GPATCH2: variants seen among roughly 807,000 people sequenced by gnomAD.
GPATCH2 encodes G-patch domain containing 2.
GPATCH2 carries 51 observed loss-of-function variants against 58.0 expected under a neutral mutation model. That is an observed-to-expected ratio of 0.88 (90% CI 0.70 to 1.11). GPATCH2 has a LOEUF of 1.11. Among genes scored for constraint, GPATCH2 ranks in the 50% most tolerant of loss-of-function variants. GPATCH2 has a pLI of 0.00. For missense variants in GPATCH2, 625 were observed against 652.2 expected, an observed-to-expected ratio of 0.96 and a Z score of 0.45; for synonymous variants, 222 against 218.5, an observed-to-expected ratio of 1.02 and a Z score of -0.14.
chr1:217,469,723 TGTTA>T (rs1660634383), intron 8 of GPATCH2, among the ~76,000 whole-genome samples: 1 of 152,244 alleles, frequency 6.6e-6, no homozygotes, highest in Admixed American at 6.5e-5. Flanking sequence ...GAATAATTCT[TGTTA>T]TATTATGAGC....
chr1:217,445,307 T>A (rs1659337295), intron 9 of GPATCH2, among the ~76,000 whole-genome samples: 1 of 152,098 alleles, frequency 6.6e-6, no homozygotes, highest in Non-Finnish European at 1.5e-5. Flanking sequence ...TGGACAAAAT[T>A]TTTTAAAAAT....
intron 5 of GPATCH2, among the ~76,000 whole-genome samples, chr1:217,572,014 A>G (rs986645439): frequency 1.4e-5 from 2 of 142,514 alleles, no homozygotes; most frequent in African/African-American, 5.1e-5. Flanking sequence ...GGAAGGAAGG[A>G]AGGAAGGAAG....
At chr1:217,448,431 C>T (rs1005000426) in intron 9 of GPATCH2, among the ~76,000 whole-genome samples, 4 of 152,174 alleles carry the variant, frequency 2.6e-5, no homozygotes, top group Non-Finnish European at 4.4e-5. Context: ...TTATGGCTAA[C>T]GGCTGTTTAT....
At chr1:217,438,339 A>G (rs1658949545) in intron 9 of GPATCH2, among the ~76,000 whole-genome samples, 1 of 152,188 alleles carries the variant, frequency 6.6e-6, no homozygotes, top group Non-Finnish European at 1.5e-5. Context: ...CTAAAGGATC[A>G]CAACTCCTTG....
intron 5 of GPATCH2, among the ~76,000 whole-genome samples, chr1:217,534,272 C>T (rs981139462): frequency 6.6e-6 from 1 of 151,856 alleles, no homozygotes; most frequent in African/African-American, 2.4e-5. Flanking sequence ...TAATTAATTG[C>T]TCTCTCCTAT....
intron 5 of GPATCH2, among the ~76,000 whole-genome samples, chr1:217,605,660 A>G (rs1194014451): frequency 6.6e-6 from 1 of 152,208 alleles, no homozygotes; most frequent in African/African-American, 2.4e-5. Flanking sequence ...CCAATGTAAC[A>G]CCTGTTGTAA....
At chr1:217,495,945 AT>A (rs1661984985) in intron 7 of GPATCH2, among the ~76,000 whole-genome samples, 1 of 152,182 alleles carries the variant, frequency 6.6e-6, no homozygotes, top group Non-Finnish European at 1.5e-5. Context: ...GAGAGATGGG[AT>A]TTTAAAAGTA....
chr1:217,465,238 A>G (rs1463334942), intron 8 of GPATCH2, among the ~76,000 whole-genome samples: 1 of 152,164 alleles, frequency 6.6e-6, no homozygotes, highest in East Asian at 1.9e-4. Flanking sequence ...AATTAAAAGG[A>G]AAGTGATAAA....
chr1:217,540,165 C>A (rs975761504), intron 5 of GPATCH2, among the ~76,000 whole-genome samples: 1 of 151,990 alleles, frequency 6.6e-6, no homozygotes, highest in African/African-American at 2.4e-5. Context: ...TAATTCATTA[C>A]GGCACAATCA....
At chr1:217,586,307 T>C (rs991438459) in intron 5 of GPATCH2, among the ~76,000 whole-genome samples, 16 of 152,258 alleles carry the variant, frequency 1.1e-4, no homozygotes, top group Admixed American at 6.5e-5. Flanking sequence ...TGCACAGCTG[T>C]ACAAAACTAT....
chr1:217,455,546 C>T (rs148616571), intron 8 of GPATCH2, among the ~76,000 whole-genome samples: 5 of 152,118 alleles, frequency 3.3e-5, no homozygotes, highest in Admixed American at 2.6e-4. Flanking sequence ...TCAGAGGGTT[C>T]GAGTCCAAAC....
chr1:217,564,427 T>G (rs1666104154), intron 5 of GPATCH2, among the ~76,000 whole-genome samples: 2 of 152,206 alleles, frequency 1.3e-5, no homozygotes. Flanking sequence ...TTGCAATTCA[T>G]GGTGTGTTTT....
intron 5 of GPATCH2, among the ~76,000 whole-genome samples, chr1:217,552,161 C>T (rs548217681): frequency 6.6e-6 from 1 of 152,110 alleles, no homozygotes; most frequent in South Asian, 2.1e-4. Context: ...ACCTTGTAAA[C>T]TTCTCCTATG....
Position 217,557,982 on chromosome 1 carries a change from G to T in GPATCH2, c.1099-43093C>A, listed in dbSNP as rs574843032. Among the ~76,000 whole-genome samples the T allele has an allele frequency of 3.3e-5, 5 of 152,240 alleles. No homozygotes were observed. In the East Asian group the frequency reaches 7.7e-4, roughly 23 times the overall value. On this transcript the variant is annotated intron_variant, in intron 5 of 9. Transcript: ENST00000366935. ...TTCTGAATCATGATCCACATCTTAC[G>T]ATTTTCAAACCATTAATTTTTTTAA...
chr1:217,489,462 G>A (rs772913986), intron 8 of GPATCH2, among the ~76,000 whole-genome samples: 9 of 151,982 alleles, frequency 5.9e-5, no homozygotes, highest in South Asian at 4.2e-4. Context: ...AACTATAATC[G>A]CCAACCCTGC....
At chr1:217,564,374 A>G (rs1666101202) in intron 5 of GPATCH2, among the ~76,000 whole-genome samples, 2 of 152,214 alleles carry the variant, frequency 1.3e-5, no homozygotes, top group Admixed American at 1.3e-4. Flanking sequence ...TTCATTTAAC[A>G]GTAGGGCAAC....
At chr1:217,514,686 A>G (rs1663033397) in intron 6 of GPATCH2, 136 bp downstream of exon 6, 1 of 477,294 alleles carries the variant, frequency 2.1e-6, no homozygotes, top group African/African-American at 1.9e-5. Flanking sequence ...TTCTTACATT[A>G]TTATCAATGG....
chr1:217,591,548 C>A (rs1416791218), intron 5 of GPATCH2, among the ~76,000 whole-genome samples: 2 of 151,970 alleles, frequency 1.3e-5, no homozygotes, highest in African/African-American at 4.8e-5. Flanking sequence ...CTTATTCTGT[C>A]CAAATCATAA....
At chr1:217,598,021 A>T (rs1056133555) in intron 5 of GPATCH2, among the ~76,000 whole-genome samples, 1 of 152,230 alleles carries the variant, frequency 6.6e-6, no homozygotes, top group African/African-American at 2.4e-5. Flanking sequence ...TTGGAAACTA[A>T]TATTTTTCAG....
Sources: allele counts gnomAD v4.1 joint callset (sites outside exome capture counted in the v4.1 genomes callset), GRCh38; gene constraint gnomAD v4.1.1; transcripts MANE v1.5; gene names NCBI Gene and HGNC (gene_info 2026-07-23, HGNC 2026-07-21).